HSDL2: variants seen among roughly 807,000 people sequenced by gnomAD.
The protein encoded by HSDL2 is hydroxysteroid dehydrogenase like 2.
Under a neutral mutation model 46.3 loss-of-function variants are expected in HSDL2, and 27 were observed. That is an observed-to-expected ratio of 0.58 (90% confidence interval 0.43 to 0.80). The LOEUF (loss-of-function observed/expected upper bound fraction) is 0.80, where lower values mean the gene tolerates loss of function less well. Among genes scored for constraint, HSDL2 ranks in the 30% least tolerant of loss-of-function variants. The pLI, the probability that HSDL2 is intolerant of heterozygous loss-of-function variation, is 0.00. For synonymous variants in HSDL2, 153 were observed against 163.6 expected (o/e 0.94, Z 0.50); for missense variants, 451 against 502.7 (o/e 0.90, Z 0.98).
chr9:112,424,312 T>G (rs1007125944), intron 6 of HSDL2, among the ~76,000 whole-genome samples: 8 of 134,942 alleles, frequency 5.9e-5, no homozygotes, highest in African/African-American at 2.0e-4. Flanking sequence ...CAGAGCGAGA[T>G]TCCATCTCAA....
chr9:112,436,963 T>TTTC (rs1554713317), intron 6 of HSDL2, among the ~76,000 whole-genome samples: 101 of 142,328 alleles, frequency 7.1e-4, no homozygotes, highest in African/African-American at 2.4e-3. Context: ...TTTTTTTCTT[T>TTTC]TTTTTTTTTT....
chr9:112,441,713 C>G lies in HSDL2; in HGVS notation c.808C>G (p.Pro270Ala), dbSNP rs757251306. 11 of 1,612,434 alleles carry G rather than the reference C, an allele frequency of 6.8e-6. No individual in the cohort carries two copies. The African/African-American group carries it at 1.5e-4, about 22-fold the overall frequency. Residue 270 changes from proline (P) to alanine (A), a missense_variant, in exon 8 of 11, where the codon CCA (proline) becomes GCA (alanine). Pro to Ala is a conservative substitution (Grantham distance 27, BLOSUM62 -1). Transcript: ENST00000398805. ...CAATTTTTCAGGTCATCCTTTGCAA[C>G]CAGATTTCTTCTTAGATGAATACCC... Reference protein sequence around the residue: ...YAIKPGHPLQPDFFLDEYPEA... With the variant: ...YAIKPGHPLQADFFLDEYPEA...
chr9:112,435,847 C>G (rs987620163), intron 6 of HSDL2, among the ~76,000 whole-genome samples: 1 of 152,010 alleles, frequency 6.6e-6, no homozygotes, highest in African/African-American at 2.4e-5. Context: ...ATCTTCCTGC[C>G]TCAGCCTCCA....
intron 6 of HSDL2, among the ~76,000 whole-genome samples, chr9:112,431,413 A>T (rs1213509640): frequency 6.6e-6 from 1 of 152,228 alleles, no homozygotes; most frequent in Non-Finnish European, 1.5e-5. Context: ...AGGAAGACCC[A>T]CATAGGAGAG....
chr9:112,425,931 G>C (rs1173196140), intron 6 of HSDL2, among the ~76,000 whole-genome samples: 1 of 151,880 alleles, frequency 6.6e-6, no homozygotes, highest in African/African-American at 2.4e-5. Context: ...TGTGGAGATG[G>C]GGTCTTGCCA....
chr9:112,430,724 G>A (rs1049953621), intron 6 of HSDL2, among the ~76,000 whole-genome samples: 14 of 152,112 alleles, frequency 9.2e-5, no homozygotes, highest in African/African-American at 3.4e-4. Context: ...TTGCCTTTGG[G>A]ATGTGAGAGA....
chr9:112,429,645 A>AGTC (rs1408513819), intron 6 of HSDL2, among the ~76,000 whole-genome samples: 1 of 152,242 alleles, frequency 6.6e-6, no homozygotes, highest in African/African-American at 2.4e-5. Context: ...TGGAACTTAT[A>AGTC]GTCTAATTGG....
chr9:112,396,715 C>T (rs1018499560), intron 1 of HSDL2, among the ~76,000 whole-genome samples: 1 of 152,112 alleles, frequency 6.6e-6, no homozygotes, highest in African/African-American at 2.4e-5. Flanking sequence ...GAGGTAAAGG[C>T]CCCGTGAGGA....
intron 1 of HSDL2, among the ~76,000 whole-genome samples, chr9:112,389,941 T>G (rs1831301726): frequency 6.6e-6 from 1 of 151,996 alleles, no homozygotes; most frequent in Non-Finnish European, 1.5e-5. Flanking sequence ...GGCGCATACC[T>G]GTAGTCCCAG....
chr9:112,381,991 A>C (rs916535305), intron 1 of HSDL2, among the ~76,000 whole-genome samples: 1 of 152,210 alleles, frequency 6.6e-6, no homozygotes, highest in African/African-American at 2.4e-5. Context: ...TAGTCCCAGC[A>C]CTTTGGGAGG....
chr9:112,432,686 G>A (rs1361643349), intron 6 of HSDL2, among the ~76,000 whole-genome samples: 2 of 152,140 alleles, frequency 1.3e-5, no homozygotes, highest in Non-Finnish European at 2.9e-5. Flanking sequence ...ATGTTATTTG[G>A]TCCTAGACTT....
At chr9:112,423,656 G>A (rs1203111703) in intron 6 of HSDL2, among the ~76,000 whole-genome samples, 1 of 151,746 alleles carries the variant, frequency 6.6e-6, no homozygotes, top group Non-Finnish European at 1.5e-5. Context: ...GGAACATTAG[G>A]GAAGGGAACA....
Position 112,462,600 on chromosome 9 carries a change from ATGTGTGTGTGTG to A in HSDL2, c.1144+3053_1144+3064del, listed in dbSNP as rs3032131. ...AATATTACTTTACCTGAGGAGGGGG[ATGTGTGTGTGTG>A]TGTGTGTGTGTGTGTGTGTGTGTGT... On this transcript the variant is annotated intron_variant, in intron 10 of 10. Transcript: ENST00000398805. Among the ~76,000 whole-genome samples, 49 of 146,724 alleles carry A rather than the reference ATGTGTGTGTGTG, an allele frequency of 3.3e-4. No individual in the cohort carries two copies. The Middle Eastern group carries it at 0.01, about 31-fold the overall frequency.
intron 10 of HSDL2, among the ~76,000 whole-genome samples, chr9:112,462,499 A>G (rs1403262704): frequency 6.6e-6 from 1 of 151,846 alleles, no homozygotes; most frequent in Admixed American, 6.6e-5. Flanking sequence ...GTAACCAACT[A>G]ATCAGAATCT....
At chr9:112,463,877 T>C (rs1317354915) in intron 10 of HSDL2, among the ~76,000 whole-genome samples, 2 of 151,598 alleles carry the variant, frequency 1.3e-5, no homozygotes, top group Non-Finnish European at 2.9e-5. Context: ...GCCAGGCTGG[T>C]CTCAAACTCC....
chr9:112,414,782 C>T (rs552822603), intron 4 of HSDL2, among the ~76,000 whole-genome samples: 13 of 152,120 alleles, frequency 8.5e-5, no homozygotes, highest in Non-Finnish European at 1.5e-4. Flanking sequence ...AAAAGTGAAG[C>T]ACCTTTGGAA....
intron 1 of HSDL2, among the ~76,000 whole-genome samples, chr9:112,390,015 A>T (rs1158331296): frequency 6.6e-6 from 1 of 151,900 alleles, no homozygotes. Context: ...CAGTGAGCCG[A>T]GATCACGCCC....
At chr9:112,387,409 G>A (rs946679311) in intron 1 of HSDL2, among the ~76,000 whole-genome samples, 10 of 151,828 alleles carry the variant, frequency 6.6e-5, no homozygotes, top group Non-Finnish European at 1.3e-4. Flanking sequence ...TAGTAGAGAT[G>A]GGGTTTCTCT....
intron 10 of HSDL2, among the ~76,000 whole-genome samples, chr9:112,467,343 A>T (rs897719655): frequency 6.6e-5 from 10 of 152,202 alleles, no homozygotes; most frequent in African/African-American, 2.2e-4. Context: ...TTTATATTAA[A>T]TATCTAGAAT....
Sources: gnomAD v4.1 joint callset for allele counts (sites outside exome capture counted in the v4.1 genomes callset) on GRCh38, gnomAD v4.1.1 for gene constraint, MANE v1.5 for transcripts, NCBI Gene and HGNC (gene_info 2026-07-23, HGNC 2026-07-21) for gene names.